Variants in MYO1D observed in about 807,000 individuals in gnomAD.
MYO1D encodes unconventional myosin-Id.
Under a neutral mutation model 122.0 loss-of-function variants are expected in MYO1D, and 83 were observed. The ratio of observed to expected loss-of-function variants is 0.68; its 90% CI spans 0.57 to 0.82. The LOEUF (loss-of-function observed/expected upper bound fraction) is 0.82, where lower values mean the gene tolerates loss of function less well. MYO1D is among the 40% of genes least tolerant of loss of function. The pLI, the probability that MYO1D is intolerant of heterozygous loss-of-function variation, is 0.00. For synonymous variants in MYO1D, 464 were observed against 446.9 expected (o/e 1.04, Z -0.48); for missense variants, 1,157 against 1,269.5 (o/e 0.91, Z 1.35).
chr17:32,660,366 T>A (rs776351285), intron 16 of MYO1D, among the ~76,000 whole-genome samples: 1 of 152,246 alleles, frequency 6.6e-6, no homozygotes, highest in African/African-American at 2.4e-5. Context: ...GCCCACAGTA[T>A]GGGTTCTGCA....
chr17:32,705,390 G>C (rs568637934), intron 16 of MYO1D, among the ~76,000 whole-genome samples: 133 of 152,172 alleles, frequency 8.7e-4, no homozygotes, highest in Non-Finnish European at 1.5e-3. Context: ...CTCCTGAGTA[G>C]CTGGGACTAC....
In MYO1D at chr17:32,864,007, C is replaced by CTTTTTTTTTTTTTTTT. The variant is rs560953120; in HGVS notation, c.95+12755_95+12770dup. ...TAATTTTGGTTACAAACATTTCTTC[C>CTTTTTTTTTTTTTTTT]TTTTTTTTTTTTTTTTTTTTTTTTT... On this transcript the variant is annotated intron_variant, in intron 1 of 21. Transcript: ENST00000318217. Among the ~76,000 whole-genome samples, 19 of 48,976 alleles carry CTTTTTTTTTTTTTTTT rather than the reference C, an allele frequency of 3.9e-4. 8 individuals are homozygous for CTTTTTTTTTTTTTTTT. In the East Asian group the frequency reaches 4.0e-3, roughly 10 times the overall value. The allele number at this position is 48,976 out of a possible 152,430, so 32.1% of individuals were successfully genotyped here. A position where few individuals can be genotyped will look rare whatever the true frequency, so the allele number is the denominator to read the frequency against.
rs142669391 is a variant in MYO1D at position 32,525,952 on chromosome 17, C to A, written c.2865-31037G>T. Among the ~76,000 whole-genome samples the A allele has an allele frequency of 3.3e-5, 5 of 152,298 alleles. No homozygotes were observed. The East Asian group carries it at 9.6e-4, about 29-fold the overall frequency. The stretch of plus-strand genomic sequence containing the variant: ...TTCACCCTCATACACCTGTTTGCCA[C>A]GATGGTTTTGCCTTTAGGCTTTTGC... On this transcript the variant is annotated intron_variant, in intron 21 of 21. Transcript: ENST00000318217.
At chr17:32,852,313 G>C (rs138155906) in intron 1 of MYO1D, among the ~76,000 whole-genome samples, 37 of 152,204 alleles carry the variant, frequency 2.4e-4, no homozygotes, top group African/African-American at 8.7e-4. Flanking sequence ...TTTTGGTAGA[G>C]ACGGGGTTTC....
intron 15 of MYO1D, among the ~76,000 whole-genome samples, chr17:32,720,266 A>C (rs959983354): frequency 5.9e-5 from 9 of 152,292 alleles, no homozygotes; most frequent in Non-Finnish European, 1.0e-4. Context: ...ATCAACAATA[A>C]ATTAACAATA....
At chr17:32,858,947 T>C (rs1344303691) in intron 1 of MYO1D, among the ~76,000 whole-genome samples, 1 of 152,250 alleles carries the variant, frequency 6.6e-6, no homozygotes. Flanking sequence ...CCTTGCTTTC[T>C]GAAAATACAA....
At position 32,782,850 on chromosome 17, in the gene MYO1D, G is replaced by T. The variant is rs781197706; in HGVS notation, c.96-2066C>A. On this transcript the variant is annotated intron_variant, in intron 1 of 21. Transcript: ENST00000318217. ...CTTGGGAGGCTGAGGCGGGAGGATC[G>T]GTTGAACCTGGGAGGCGGAGGTTGC... Among the ~76,000 whole-genome samples the T allele has an allele frequency of 2.6e-5, 4 of 152,002 alleles. No individual in the cohort carries two copies. In the East Asian group the frequency reaches 7.8e-4, roughly 29 times the overall value.
At chr17:32,749,743 C>A (rs936482345) in intron 11 of MYO1D, among the ~76,000 whole-genome samples, 2 of 152,024 alleles carry the variant, frequency 1.3e-5, no homozygotes, top group African/African-American at 4.8e-5. Flanking sequence ...CAAACCAAAC[C>A]AAACAAAATT....
chr17:32,788,151 C>T (rs577835279), intron 1 of MYO1D, among the ~76,000 whole-genome samples: 1 of 152,252 alleles, frequency 6.6e-6, no homozygotes, highest in Non-Finnish European at 1.5e-5. Context: ...AATTCTCCAT[C>T]CTGTCGTTGT....
At chr17:32,580,122 A>C (rs1282530812) in intron 21 of MYO1D, among the ~76,000 whole-genome samples, 1 of 152,156 alleles carries the variant, frequency 6.6e-6, no homozygotes, top group Non-Finnish European at 1.5e-5. Context: ...CAATTATCCA[A>C]AATGGACAAA....
At chr17:32,789,041 A>G (rs1435918758) in intron 1 of MYO1D, among the ~76,000 whole-genome samples, 1 of 151,786 alleles carries the variant, frequency 6.6e-6, no homozygotes, top group Non-Finnish European at 1.5e-5. Context: ...AAAGGGACTG[A>G]GTTCTTGATT....
intron 20 of MYO1D, chr17:32,632,395 T>C (rs561181910): frequency 6.6e-6 from 1 of 152,188 alleles, no homozygotes; most frequent in South Asian, 2.1e-4. Flanking sequence ...TTCTGATTTT[T>C]CTAGGCATAT....
chr17:32,595,532 C>T (rs2087483009), intron 21 of MYO1D, among the ~76,000 whole-genome samples: 1 of 152,036 alleles, frequency 6.6e-6, no homozygotes, highest in East Asian at 1.9e-4. Flanking sequence ...AGAATTTTTC[C>T]TTTCTTTCAT....
chr17:32,611,879 C>T (rs1435917773), intron 20 of MYO1D, among the ~76,000 whole-genome samples: 2 of 152,156 alleles, frequency 1.3e-5, no homozygotes, highest in African/African-American at 4.8e-5. Context: ...TCACAATTCA[C>T]AGGAGGAGAT....
At chr17:32,533,275 G>A (rs182996693) in intron 21 of MYO1D, among the ~76,000 whole-genome samples, 123 of 152,168 alleles carry the variant, frequency 8.1e-4, no homozygotes, top group Non-Finnish European at 1.5e-3. Flanking sequence ...TTGGATAAGA[G>A]ACAGCTGGGT....
intron 14 of MYO1D, among the ~76,000 whole-genome samples, chr17:32,726,867 T>C (rs1021735626): frequency 6.6e-5 from 10 of 152,066 alleles, no homozygotes; most frequent in Admixed American, 2.0e-4. Context: ...ATAATTAAAA[T>C]ACATGACCAA....
intron 20 of MYO1D, among the ~76,000 whole-genome samples, chr17:32,612,267 T>C (rs1181678102): frequency 6.6e-6 from 1 of 152,126 alleles, no homozygotes; most frequent in Non-Finnish European, 1.5e-5. Context: ...CATAATAAAT[T>C]AAAGAGCTGG....
chr17:32,772,665 C>T lies in MYO1D; in HGVS notation c.618+124G>A, dbSNP rs182047765. ...TGGTGCGTGCGTGCGTGCGTGCATG[C>T]GTGACATGTTACGGGGCCAATGGAG... On this transcript the variant is annotated intron_variant, in intron 5 of 21. Coordinates refer to ENST00000318217, the MANE Select transcript of MYO1D (RefSeq NM_015194.3). The T allele has an allele frequency of 1.1e-3, 878 of 784,762 alleles. 3 individuals carry two copies. The highest frequency in any genetic ancestry group is 1.8e-4 in the Non-Finnish European group (81 of 447,106). 48.6% of individuals were successfully genotyped at this position (784,762 alleles called of 1,614,324 possible). A position where few individuals can be genotyped will look rare whatever the true frequency, so the allele number is the denominator to read the frequency against.
chr17:32,591,864 C>T (rs1475416962), intron 21 of MYO1D, among the ~76,000 whole-genome samples: 2 of 151,982 alleles, frequency 1.3e-5, no homozygotes, highest in East Asian at 1.9e-4. Flanking sequence ...GGGATGGGCC[C>T]GGGGAGCTGC....
Sources: gnomAD v4.1 joint callset for allele counts (sites outside exome capture counted in the v4.1 genomes callset) on GRCh38, gnomAD v4.1.1 for gene constraint, MANE v1.5 for transcripts, NCBI Gene and HGNC (gene_info 2026-07-23, HGNC 2026-07-21) for gene names.